PSPC1: variants seen among roughly 807,000 people sequenced by gnomAD.
The protein encoded by PSPC1 is paraspeckle protein 1.
Under a neutral mutation model 51.6 loss-of-function variants are expected in PSPC1, and 14 were observed. The observed-to-expected ratio is 0.27, with a 90% CI of 0.18 to 0.42. PSPC1 has a LOEUF of 0.42. Among genes scored for constraint, PSPC1 ranks in the 10% least tolerant of loss-of-function variants. The pLI is 1.00. For synonymous variants in PSPC1, 193 were observed against 231.9 expected (o/e 0.83, Z 1.53); for missense variants, 406 against 701.1 (o/e 0.58, Z 4.75).
intron 2 of PSPC1, among the ~76,000 whole-genome samples, chr13:19,769,649 C>T (rs1336873788): frequency 1.3e-5 from 2 of 149,984 alleles, no homozygotes; most frequent in Non-Finnish European, 3.0e-5. Context: ...CCAGGAGAAT[C>T]GCTTGAACCC....
chr13:19,772,859 C>T (rs1371910002), intron 1 of PSPC1, among the ~76,000 whole-genome samples: 2 of 152,102 alleles, frequency 1.3e-5, no homozygotes, highest in Admixed American at 6.6e-5. Context: ...ATTAAGAACA[C>T]ATATTAACAA....
At chr13:19,756,849 G>A (rs947531161) in intron 3 of PSPC1, among the ~76,000 whole-genome samples, 2 of 151,958 alleles carry the variant, frequency 1.3e-5, no homozygotes, top group South Asian at 2.1e-4. Context: ...ACAGTCAGTC[G>A]CCGGGCATGG....
intron 7 of PSPC1, among the ~76,000 whole-genome samples, 177 bp from the exon 8 acceptor site, chr13:19,706,008 G>T (rs567664660): frequency 6.6e-6 from 1 of 152,274 alleles, no homozygotes; most frequent in Admixed American, 6.5e-5. Flanking sequence ...TCTAGAATTA[G>T]AATTTTCATC....
intron 6 of PSPC1, chr13:19,677,935 G>A (rs368279712): frequency 7.4e-5 from 32 of 432,030 alleles, no homozygotes; most frequent in South Asian, 1.5e-4. Context: ...TTGAGGTTTC[G>A]ATACCATGTA....
At chr13:19,672,225 A>G (rs1301027935), downstream of PSPC1, 1 of 200,686 alleles carries the variant, frequency 5.0e-6, no homozygotes, top group Admixed American at 5.3e-5. Flanking sequence ...GCTCACTGCA[A>G]GCTCTGCCTC....
rs1179329771 is a variant in PSPC1, at chr13:19,702,964, TC to T, written c.*210del. 2 of 437,168 alleles carry T rather than the reference TC, an allele frequency of 4.6e-6. No homozygotes were observed. The highest frequency in any genetic ancestry group is 8.6e-6 in the Non-Finnish European group (2 of 233,602). 27.1% of individuals were successfully genotyped at this position (437,168 alleles called of 1,614,324 possible). ...ATTTAGCTAAAGTCACAAACACATT[TC>T]AACATTCAAAATGATGAGCATCATT... is the stretch of plus-strand genomic sequence containing the variant. On this transcript the variant is annotated 3_prime_UTR_variant, in exon 9 of 9. Coordinates refer to ENST00000338910, the MANE Select transcript of PSPC1 (RefSeq NM_001354909.2).
At chr13:19,726,907 C>T (rs1046009108) in intron 6 of PSPC1, among the ~76,000 whole-genome samples, 3 of 152,172 alleles carry the variant, frequency 2.0e-5, no homozygotes, top group African/African-American at 4.8e-5. Context: ...CCTTTATTCT[C>T]AAGTTTATTA....
intron 5 of PSPC1, among the ~76,000 whole-genome samples, chr13:19,735,922 A>C (rs548089448): frequency 6.6e-5 from 10 of 151,478 alleles, no homozygotes; most frequent in Non-Finnish European, 1.3e-4. Context: ...CCTGGGTTCA[A>C]GCCATTCTCC....
At chr13:19,705,066 G>A (rs1322597052) in intron 8 of PSPC1, among the ~76,000 whole-genome samples, 1 of 152,168 alleles carries the variant, frequency 6.6e-6, no homozygotes, top group African/African-American at 2.4e-5. Flanking sequence ...TAAAATGCTT[G>A]AACGTTAGAA....
At chr13:19,735,241 G>A (rs1409492992) in intron 5 of PSPC1, among the ~76,000 whole-genome samples, 1 of 152,182 alleles carries the variant, frequency 6.6e-6, no homozygotes, top group Non-Finnish European at 1.5e-5. Flanking sequence ...GAACCGAAGA[G>A]GCAGAGGTTG....
chr13:19,744,302 T>C (rs1034775733), intron 4 of PSPC1, among the ~76,000 whole-genome samples: 27 of 152,192 alleles, frequency 1.8e-4, no homozygotes, highest in African/African-American at 6.5e-4. Flanking sequence ...TCAGATCTTA[T>C]CACCTTACTT....
intron 6 of PSPC1, among the ~76,000 whole-genome samples, chr13:19,683,563 C>T (rs9551975): frequency 0.68 from 103,991 of 152,088 alleles, 38,192 homozygotes; most frequent in East Asian, 0.89. Context: ...AACAGTCAAA[C>T]TGAACAAAAT....
intron 1 of PSPC1, among the ~76,000 whole-genome samples, chr13:19,780,016 T>C (rs1184754075): frequency 4.4e-3 from 317 of 72,410 alleles, no homozygotes; most frequent in South Asian, 6.2e-3. Flanking sequence ...GTGGGGGGGG[T>C]CAGCCCCCCT....
chr13:19,714,495 C>CTTTTTTT (rs59072226), intron 6 of PSPC1, among the ~76,000 whole-genome samples: 1 of 135,062 alleles, frequency 7.4e-6, no homozygotes. Context: ...CAGCGGATTT[C>CTTTTTTT]TTTTTTTTTT....
At chr13:19,704,041 C>A (rs1880303358) in intron 8 of PSPC1, among the ~76,000 whole-genome samples, 1 of 152,172 alleles carries the variant, frequency 6.6e-6, no homozygotes, top group African/African-American at 2.4e-5. Flanking sequence ...GATAGAACTC[C>A]CTGAAGTGTA....
chr13:19,693,595 G>T (rs542730857), intron 6 of PSPC1, among the ~76,000 whole-genome samples: 10 of 152,290 alleles, frequency 6.6e-5, no homozygotes, highest in African/African-American at 2.2e-4. Flanking sequence ...GAGAAATCTT[G>T]TATGTACGAC....
At chr13:19,770,457 C>T (rs752851074) in intron 2 of PSPC1, among the ~76,000 whole-genome samples, 25 of 151,964 alleles carry the variant, frequency 1.6e-4, no homozygotes, top group Non-Finnish European at 2.9e-4. Context: ...GTCAGGAGTT[C>T]GAGACCAGCC....
intron 4 of PSPC1, among the ~76,000 whole-genome samples, chr13:19,747,885 C>G (rs1187526568): frequency 6.6e-6 from 1 of 152,194 alleles, no homozygotes; most frequent in Non-Finnish European, 1.5e-5. Flanking sequence ...AGTCTCTCCT[C>G]AACCTGAATA....
intron 7 of PSPC1, among the ~76,000 whole-genome samples, chr13:19,676,546 C>A (rs1468537677): frequency 6.6e-6 from 1 of 152,026 alleles, no homozygotes; most frequent in Non-Finnish European, 1.5e-5. Flanking sequence ...GCACACAAAT[C>A]CTAGAAAGAA....
Sources: allele counts gnomAD v4.1 joint callset (sites outside exome capture counted in the v4.1 genomes callset), GRCh38; gene constraint gnomAD v4.1.1; transcripts MANE v1.5; gene names NCBI Gene and HGNC (gene_info 2026-07-23, HGNC 2026-07-21).